Variants in C8orf34 observed in about 807,000 individuals in gnomAD.
The protein encoded by C8orf34 is chromosome 8 open reading frame 34.
C8orf34 carries 65 observed loss-of-function variants against 68.3 expected under a neutral mutation model. The ratio of observed to expected loss-of-function variants is 0.95; its 90% CI spans 0.78 to 1.17. The LOEUF (loss-of-function observed/expected upper bound fraction) is 1.17, where lower values mean the gene tolerates loss of function less well. Ranked by LOEUF, C8orf34 falls within the 50% of genes most tolerant of loss-of-function variation. The pLI, the probability that C8orf34 is intolerant of heterozygous loss-of-function variation, is 0.00. For missense variants in C8orf34, 664 were observed against 655.4 expected (o/e 1.01, Z -0.14); for synonymous variants, 244 against 241.2 (o/e 1.01, Z -0.11).
intron 7 of C8orf34, among the ~76,000 whole-genome samples, chr8:68,560,234 C>A (rs1816380968): frequency 6.6e-6 from 1 of 151,688 alleles, no homozygotes; most frequent in South Asian, 2.1e-4. Flanking sequence ...TGCCGAGAGA[C>A]AGTTCACACA....
intron 11 of C8orf34, among the ~76,000 whole-genome samples, chr8:68,783,155 A>C (rs1267407321): frequency 1.3e-5 from 2 of 152,110 alleles, no homozygotes; most frequent in East Asian, 3.9e-4. Context: ...AGGGCCCCAA[A>C]ATTACTAACC....
At chr8:68,813,128 A>G (rs1233552993) in intron 12 of C8orf34, among the ~76,000 whole-genome samples, 1 of 152,200 alleles carries the variant, frequency 6.6e-6, no homozygotes, top group Non-Finnish European at 1.5e-5. Flanking sequence ...ATAGTGTTCT[A>G]ATCCATAATA....
chr8:68,711,165 C>G (rs1233900945), intron 9 of C8orf34, among the ~76,000 whole-genome samples: 1 of 152,122 alleles, frequency 6.6e-6, no homozygotes, highest in East Asian at 1.9e-4. Context: ...AGAATCTGAA[C>G]AGCAGTTCTT....
At chr8:68,452,384 C>T (rs1811381466) in intron 3 of C8orf34, among the ~76,000 whole-genome samples, 1 of 151,384 alleles carries the variant, frequency 6.6e-6, no homozygotes, top group South Asian at 2.1e-4. Context: ...ACAAGGGTTT[C>T]AATTCTTCAT....
intron 10 of C8orf34, among the ~76,000 whole-genome samples, chr8:68,752,777 G>T (rs1165076845): frequency 1.3e-5 from 2 of 152,082 alleles, no homozygotes; most frequent in Non-Finnish European, 2.9e-5. Flanking sequence ...TTAATGTGGG[G>T]AATTTTTCTC....
intron 6 of C8orf34, among the ~76,000 whole-genome samples, chr8:68,524,751 A>G (rs1240407755): frequency 6.6e-6 from 1 of 152,200 alleles, no homozygotes; most frequent in Non-Finnish European, 1.5e-5. Context: ...ATATAAATGT[A>G]AACAAAAATT....
chr8:68,791,273 T>G, intron 12 of C8orf34: 1 of 254,238 alleles, frequency 3.9e-6, no homozygotes, highest in African/African-American at 2.2e-5. Flanking sequence ...GAGAGAGCAG[T>G]GAAAGCCACA....
At chr8:68,409,742 C>G (rs954669470) in intron 1 of C8orf34, among the ~76,000 whole-genome samples, 1 of 152,294 alleles carries the variant, frequency 6.6e-6, no homozygotes, top group South Asian at 2.1e-4. Context: ...CACATTCACT[C>G]GCCACTCACT....
intron 1 of C8orf34, among the ~76,000 whole-genome samples, chr8:68,392,984 T>G (rs1808536385): frequency 6.6e-6 from 1 of 152,200 alleles, no homozygotes; most frequent in Non-Finnish European, 1.5e-5. Flanking sequence ...TTATTTCATT[T>G]GTAAAACAGT....
intron 7 of C8orf34, among the ~76,000 whole-genome samples, chr8:68,570,707 C>T (rs1816737700): frequency 6.6e-6 from 1 of 152,294 alleles, no homozygotes; most frequent in Non-Finnish European, 1.5e-5. Flanking sequence ...ACCAGCAGCA[C>T]AGCCATCATC....
intron 5 of C8orf34, among the ~76,000 whole-genome samples, chr8:68,496,116 T>A (rs998971673): frequency 6.6e-6 from 1 of 152,200 alleles, no homozygotes; most frequent in Admixed American, 6.5e-5. Context: ...AAAAGAAGAC[T>A]TTTTCCTCTT....
rs1349886020 is a variant in C8orf34 at position 68,494,622 on chromosome 8, G to T, written c.765+6571G>T. On this transcript the variant is annotated intron_variant, in intron 5 of 13. Coordinates refer to ENST00000518698, the MANE Select transcript of C8orf34 (RefSeq NM_052958.4). ...TGTAATCCCAGCACTTTGGTAGGCCGAGGAGGTGGATCACTTGAGGTCAGG... is the reference window on the plus strand; with the variant it reads ...TGTAATCCCAGCACTTTGGTAGGCCTAGGAGGTGGATCACTTGAGGTCAGG... Among the ~76,000 whole-genome samples the T allele has an allele frequency of 2.0e-5, 3 of 152,048 alleles. 1 individual carries two copies. Among genetic ancestry groups the T allele is most frequent in the Admixed American group, 2.0e-4 (3 of 15,258 alleles).
chr8:68,437,191 T>G (rs1404206534), intron 1 of C8orf34, among the ~76,000 whole-genome samples: 1 of 152,208 alleles, frequency 6.6e-6, no homozygotes, highest in Admixed American at 6.5e-5. Flanking sequence ...TTTTTAAAAC[T>G]TAATAGTAAT....
intron 3 of C8orf34, among the ~76,000 whole-genome samples, chr8:68,461,676 C>A (rs927671873): frequency 9.5e-4 from 144 of 152,242 alleles, no homozygotes; most frequent in African/African-American, 3.1e-3. Context: ...CCAGAATTTC[C>A]TATCCAGCCA....
intron 8 of C8orf34, among the ~76,000 whole-genome samples, chr8:68,678,058 C>T (rs1283730387): frequency 6.6e-6 from 1 of 152,050 alleles, no homozygotes; most frequent in Non-Finnish European, 1.5e-5. Context: ...CTAAACAGAC[C>T]AATAGTGAGT....
intron 1 of C8orf34, among the ~76,000 whole-genome samples, chr8:68,427,159 C>A (rs185525633): frequency 8.7e-4 from 132 of 152,186 alleles, no homozygotes; most frequent in African/African-American, 2.9e-3. Flanking sequence ...ATGGCCCTAA[C>A]ATGTAATGCA....
At chr8:68,756,292 G>A (rs553617495) in intron 10 of C8orf34, among the ~76,000 whole-genome samples, 34 of 152,236 alleles carry the variant, frequency 2.2e-4, no homozygotes, top group Admixed American at 3.9e-4. Context: ...ATGCTCTGAT[G>A]CTATAGATCA....
intron 10 of C8orf34, among the ~76,000 whole-genome samples, chr8:68,761,460 T>G (rs1282823970): frequency 6.6e-6 from 1 of 152,222 alleles, no homozygotes; most frequent in Non-Finnish European, 1.5e-5. Context: ...GAAACTTTCA[T>G]CTATAAGCCC....
intron 7 of C8orf34, among the ~76,000 whole-genome samples, chr8:68,552,358 T>C (rs1233976752): frequency 6.6e-6 from 1 of 152,176 alleles, no homozygotes; most frequent in African/African-American, 2.4e-5. Flanking sequence ...ATTTAGATCT[T>C]TAATTTTTTA....
Sources: allele counts gnomAD v4.1 joint callset (sites outside exome capture counted in the v4.1 genomes callset), GRCh38; gene constraint gnomAD v4.1.1; transcripts MANE v1.5; gene names NCBI Gene and HGNC (gene_info 2026-07-23, HGNC 2026-07-21).